The following DLG2 variants were observed in gnomAD, a reference collection of about 807,000 sequenced individuals.
The protein encoded by DLG2 is disks large homolog 2.
In DLG2, 45 loss-of-function variants were observed where a neutral mutation model predicts 132.5. The observed-to-expected ratio is 0.34, with a 90% confidence interval of 0.27 to 0.44. The LOEUF is 0.44. Among genes scored for constraint, DLG2 ranks in the 20% least tolerant of loss-of-function variants. The pLI, the probability that DLG2 is intolerant of heterozygous loss-of-function variation, is 1.00. For synonymous variants in DLG2, 424 were observed against 419.6 expected (o/e 1.01, Z -0.13); for missense variants, 1,045 against 1,196.9 (o/e 0.87, Z 1.87).
chr11:83,863,637 C>T (rs1464582105), intron 16 of DLG2, among the ~76,000 whole-genome samples: 1 of 151,148 alleles, frequency 6.6e-6, no homozygotes, highest in Non-Finnish European at 1.5e-5. Flanking sequence ...GTATGGTAGG[C>T]CATTTATAGA....
chr11:85,588,505 G>A (rs887949118), intron 3 of DLG2, among the ~76,000 whole-genome samples: 12 of 152,110 alleles, frequency 7.9e-5, no homozygotes, highest in South Asian at 4.1e-4. Flanking sequence ...TTCTCTAAGC[G>A]TGTCTTTCAC....
chr11:85,068,961 G>A (rs1418651790), intron 6 of DLG2, among the ~76,000 whole-genome samples: 1 of 151,806 alleles, frequency 6.6e-6, no homozygotes, highest in Non-Finnish European at 1.5e-5. Flanking sequence ...GAGATACAGA[G>A]CAATGGAACA....
intron 18 of DLG2, among the ~76,000 whole-genome samples, chr11:83,727,924 G>T (rs1424228623): frequency 6.6e-6 from 1 of 152,200 alleles, no homozygotes; most frequent in Non-Finnish European, 1.5e-5. Flanking sequence ...TACAGCTGAA[G>T]TCATACTATA....
chr11:83,607,011 G>A (rs1191611619), intron 19 of DLG2, among the ~76,000 whole-genome samples: 2 of 152,156 alleles, frequency 1.3e-5, no homozygotes, highest in African/African-American at 4.8e-5. Flanking sequence ...TTCGCAAATC[G>A]GGCAGCCTCC....
chr11:84,253,299 T>C (rs1426644068), intron 7 of DLG2, among the ~76,000 whole-genome samples: 2 of 152,166 alleles, frequency 1.3e-5, no homozygotes, highest in Non-Finnish European at 2.9e-5. Flanking sequence ...GACTTCCTAG[T>C]GGTGTGATCT....
chr11:84,343,177 C>T (rs892614368), intron 7 of DLG2, among the ~76,000 whole-genome samples: 1 of 152,022 alleles, frequency 6.6e-6, no homozygotes, highest in Non-Finnish European at 1.5e-5. Context: ...TTTGATGAAT[C>T]GATAGACATT....
chr11:85,393,604 G>GTA (rs145061201), intron 3 of DLG2, among the ~76,000 whole-genome samples: 181 of 143,462 alleles, frequency 1.3e-3, no homozygotes, highest in East Asian at 5.7e-3. Context: ...AGAAAATGTG[G>GTA]TATATATATA....
At chr11:85,264,106 C>T (rs2077083102) in intron 4 of DLG2, among the ~76,000 whole-genome samples, 1 of 152,136 alleles carries the variant, frequency 6.6e-6, no homozygotes, top group Non-Finnish European at 1.5e-5. Flanking sequence ...GGTTAGCTGT[C>T]TCTCAGACAA....
intron 4 of DLG2, among the ~76,000 whole-genome samples, chr11:85,222,145 T>C (rs2074689308): frequency 6.6e-6 from 1 of 152,054 alleles, no homozygotes; most frequent in Admixed American, 6.6e-5. Context: ...TGTTTGTTTT[T>C]AGTAGAGATG....
intron 7 of DLG2, among the ~76,000 whole-genome samples, chr11:84,270,315 T>G (rs1245750830): frequency 6.6e-6 from 1 of 152,238 alleles, no homozygotes; most frequent in Non-Finnish European, 1.5e-5. Flanking sequence ...TGTTTTGCAC[T>G]TGTGGCTCTT....
At chr11:83,845,950 C>A (rs1444566266) in intron 16 of DLG2, among the ~76,000 whole-genome samples, 1 of 152,190 alleles carries the variant, frequency 6.6e-6, no homozygotes, top group East Asian at 1.9e-4. Context: ...TTGGTAAATG[C>A]TAACTCATTT....
intron 5 of DLG2, among the ~76,000 whole-genome samples, chr11:85,139,547 T>C (rs943517859): frequency 6.6e-5 from 10 of 152,078 alleles, no homozygotes; most frequent in Non-Finnish European, 1.2e-4. Flanking sequence ...TCATGTAAGA[T>C]ATATATACAT....
chr11:83,704,822 A>C (rs2083620635), intron 18 of DLG2, among the ~76,000 whole-genome samples: 1 of 152,102 alleles, frequency 6.6e-6, no homozygotes, highest in African/African-American at 2.4e-5. Context: ...GCGAGACTCC[A>C]TCTCAAAAAT....
chr11:84,792,079 T>C (rs530737909), intron 6 of DLG2, among the ~76,000 whole-genome samples: 5 of 152,332 alleles, frequency 3.3e-5, no homozygotes, highest in Admixed American at 6.5e-5. Context: ...CTGACATATA[T>C]GACTTTTATT....
At chr11:84,843,237 T>C (rs2080936264) in intron 6 of DLG2, among the ~76,000 whole-genome samples, 1 of 151,610 alleles carries the variant, frequency 6.6e-6, no homozygotes, top group African/African-American at 2.4e-5. Context: ...TTAAATTGTA[T>C]ACATCAAATA....
intron 8 of DLG2, among the ~76,000 whole-genome samples, chr11:84,176,453 C>G (rs1341768189): frequency 6.6e-6 from 1 of 150,770 alleles, no homozygotes; most frequent in Admixed American, 6.7e-5. Context: ...CGTATATGCA[C>G]GGGGCAGTTG....
intron 3 of DLG2, among the ~76,000 whole-genome samples, chr11:85,465,412 G>T (rs911656983): frequency 6.6e-6 from 1 of 151,930 alleles, no homozygotes; most frequent in South Asian, 2.1e-4. Context: ...CCAGTAACTC[G>T]TCATTTAACA....
intron 6 of DLG2, among the ~76,000 whole-genome samples, chr11:84,694,064 T>C (rs954273046): frequency 2.0e-5 from 3 of 151,608 alleles, no homozygotes; most frequent in Admixed American, 6.6e-5. Flanking sequence ...CTTATTCACC[T>C]CTGCATCATA....
intron 7 of DLG2, among the ~76,000 whole-genome samples, chr11:84,533,600 A>G (rs1033983772): frequency 6.6e-6 from 1 of 152,192 alleles, no homozygotes; most frequent in Admixed American, 6.6e-5. Flanking sequence ...AAGGTTAAGC[A>G]TAAGTTAACC....
Sources: gnomAD v4.1 joint callset for allele counts (sites outside exome capture counted in the v4.1 genomes callset) on GRCh38, gnomAD v4.1.1 for gene constraint, MANE v1.5 for transcripts, NCBI Gene and HGNC (gene_info 2026-07-23, HGNC 2026-07-21) for gene names.